NRG3: variants seen among roughly 807,000 people sequenced by gnomAD.
NRG3 encodes pro-neuregulin-3, membrane-bound isoform.
NRG3 carries 31 observed loss-of-function variants against 66.9 expected under a neutral mutation model. That is an observed-to-expected ratio of 0.46 (90% CI 0.35 to 0.63). The LOEUF (loss-of-function observed/expected upper bound fraction) is 0.63, where lower values mean the gene tolerates loss of function less well. Among genes scored for constraint, NRG3 ranks in the 20% least tolerant of loss-of-function variants. The probability of loss-of-function intolerance (pLI) is 0.00; values close to 1 mark genes in which losing one functional copy is unlikely to be tolerated. For synonymous variants in NRG3, 393 were observed against 359.4 expected (o/e 1.09, Z -1.06); for missense variants, 910 against 878.9 (o/e 1.04, Z -0.45).
chr10:82,935,872 T>C (rs1848017964), intron 4 of NRG3, among the ~76,000 whole-genome samples: 1 of 147,082 alleles, frequency 6.8e-6, no homozygotes, highest in African/African-American at 2.6e-5. Context: ...AACATAATAC[T>C]GAGCAAAAAA....
At chr10:82,237,866 G>A (rs1424385440) in intron 1 of NRG3, among the ~76,000 whole-genome samples, 2 of 152,050 alleles carry the variant, frequency 1.3e-5, no homozygotes, top group East Asian at 3.9e-4. Flanking sequence ...AGATCATTTT[G>A]TTGCTTCACT....
intron 2 of NRG3, among the ~76,000 whole-genome samples, chr10:82,489,263 G>C (rs1327218280): frequency 6.6e-6 from 1 of 152,102 alleles, no homozygotes; most frequent in East Asian, 1.9e-4. Flanking sequence ...CCCACATAGT[G>C]TATTAACATG....
chr10:82,074,974 C>T (rs2065010854), intron 1 of NRG3, among the ~76,000 whole-genome samples: 1 of 152,160 alleles, frequency 6.6e-6, no homozygotes, highest in South Asian at 2.1e-4. Flanking sequence ...AGCAGTGGGT[C>T]TCCATCACTT....
chr10:82,919,803 A>G (rs1169826679), intron 4 of NRG3, among the ~76,000 whole-genome samples: 12 of 152,144 alleles, frequency 7.9e-5, no homozygotes, highest in African/African-American at 2.7e-4. Context: ...CCCTTTCACC[A>G]CTTGAGAATC....
At chr10:82,393,409 T>A (rs1195837560) in intron 2 of NRG3, among the ~76,000 whole-genome samples, 2 of 152,148 alleles carry the variant, frequency 1.3e-5, no homozygotes, top group African/African-American at 4.8e-5. Flanking sequence ...TGTGTACAGT[T>A]AGCATTAGGC....
intron 4 of NRG3, among the ~76,000 whole-genome samples, chr10:82,880,206 G>A (rs1313386810): frequency 1.3e-5 from 2 of 151,936 alleles, no homozygotes; most frequent in Non-Finnish European, 2.9e-5. Flanking sequence ...GTATGAAATC[G>A]CCATAACCTG....
At chr10:82,604,601 A>G (rs2047845062) in intron 2 of NRG3, among the ~76,000 whole-genome samples, 1 of 152,160 alleles carries the variant, frequency 6.6e-6, no homozygotes, top group African/African-American at 2.4e-5. Context: ...AGGACATGCT[A>G]TGAAGCTGCA....
chr10:82,356,205 T>C (rs1004383295), intron 1 of NRG3, among the ~76,000 whole-genome samples: 5 of 152,218 alleles, frequency 3.3e-5, no homozygotes, highest in African/African-American at 1.2e-4. Flanking sequence ...ATTAATTGAT[T>C]GTAATTGCTT....
chr10:82,310,668 C>G (rs140230775), intron 1 of NRG3, among the ~76,000 whole-genome samples: 1 of 151,648 alleles, frequency 6.6e-6, no homozygotes, highest in Non-Finnish European at 1.5e-5. Flanking sequence ...TTTTTCATTG[C>G]GAAATACCGT....
intron 2 of NRG3, among the ~76,000 whole-genome samples, chr10:82,392,896 A>ATTTTTTT (rs565734964): frequency 6.7e-6 from 1 of 149,768 alleles, no homozygotes; most frequent in African/African-American, 2.5e-5. Flanking sequence ...ATATATATAT[A>ATTTTTTT]TATTTTTTGC....
chr10:82,618,695 A>G (rs1245898115), intron 2 of NRG3, among the ~76,000 whole-genome samples: 1 of 152,166 alleles, frequency 6.6e-6, no homozygotes, highest in Admixed American at 6.5e-5. Context: ...TCCAAACTTT[A>G]CAGAAATTGT....
At chr10:82,909,858 G>A (rs1456313153) in intron 4 of NRG3, among the ~76,000 whole-genome samples, 2 of 152,212 alleles carry the variant, frequency 1.3e-5, no homozygotes, top group African/African-American at 4.8e-5. Context: ...CTGAACAGCA[G>A]TGTAAGTGTG....
At chr10:81,933,194 C>A (rs932207442) in intron 1 of NRG3, among the ~76,000 whole-genome samples, 2 of 151,768 alleles carry the variant, frequency 1.3e-5, no homozygotes, top group African/African-American at 4.8e-5. Context: ...GAGGATCAAG[C>A]CTCTAAGAAG....
At chr10:82,535,136 CAG>C (rs144253976) in intron 2 of NRG3, among the ~76,000 whole-genome samples, 106 of 144,106 alleles carry the variant, frequency 7.4e-4, no homozygotes, top group Middle Eastern at 3.5e-3. Context: ...GCCTGGATGA[CAG>C]AGAGAGAGAG....
chr10:82,742,869 T>A (rs2058485885), intron 3 of NRG3, among the ~76,000 whole-genome samples: 1 of 152,082 alleles, frequency 6.6e-6, no homozygotes, highest in Non-Finnish European at 1.5e-5. Flanking sequence ...GAACTATGTG[T>A]CAGTCAGAAC....
At chr10:82,656,595 C>T (rs1286110397) in intron 2 of NRG3, among the ~76,000 whole-genome samples, 1 of 152,000 alleles carries the variant, frequency 6.6e-6, no homozygotes, top group Admixed American at 6.6e-5. Flanking sequence ...CCTCATTTCC[C>T]ATTCTCTTTT....
intron 1 of NRG3, among the ~76,000 whole-genome samples, chr10:82,339,094 A>G (rs1163380129): frequency 6.6e-6 from 1 of 152,194 alleles, no homozygotes; most frequent in Non-Finnish European, 1.5e-5. Flanking sequence ...TTTGGAGAAC[A>G]ATGTAATTGT....
intron 1 of NRG3, among the ~76,000 whole-genome samples, chr10:81,979,311 A>C (rs757969566): frequency 6.6e-6 from 1 of 151,922 alleles, no homozygotes; most frequent in African/African-American, 2.4e-5. Flanking sequence ...TGTAGAGGTT[A>C]TGGCTTCCAC....
At chr10:82,077,527 A>G (rs2065155054) in intron 1 of NRG3, among the ~76,000 whole-genome samples, 1 of 152,214 alleles carries the variant, frequency 6.6e-6, no homozygotes, top group African/African-American at 2.4e-5. Context: ...CATCTCTTGT[A>G]ACTATAACTT....
Sources: allele counts gnomAD v4.1 joint callset (sites outside exome capture counted in the v4.1 genomes callset), GRCh38; gene constraint gnomAD v4.1.1; transcripts MANE v1.5; gene names NCBI Gene and HGNC (gene_info 2026-07-23, HGNC 2026-07-21).